Variants in CAST observed in about 807,000 individuals in gnomAD.
The protein encoded by CAST is calpastatin, also known as MIR583 host.
A neutral mutation model predicts 119.6 loss-of-function variants in CAST; 76 were observed. The observed-to-expected ratio is 0.64, with a 90% CI of 0.53 to 0.77. The LOEUF (loss-of-function observed/expected upper bound fraction) is 0.77, where lower values mean the gene tolerates loss of function less well. CAST is among the 30% of genes least tolerant of loss of function. The probability of loss-of-function intolerance (pLI) is 0.00; values close to 1 mark genes in which losing one functional copy is unlikely to be tolerated. For synonymous variants in CAST, 319 were observed against 331.6 expected (o/e 0.96, Z 0.41); for missense variants, 953 against 946.5 (o/e 1.01, Z -0.09).
intron 1 of CAST, among the ~76,000 whole-genome samples, chr5:96,633,286 A>T (rs1363739460): frequency 6.6e-6 from 1 of 152,166 alleles, no homozygotes; most frequent in Non-Finnish European, 1.5e-5. Context: ...CATTCTATAG[A>T]TCAATTTAAA....
chr5:96,734,385 G>A (rs930934309), intron 9 of CAST, among the ~76,000 whole-genome samples: 5 of 152,188 alleles, frequency 3.3e-5, no homozygotes, highest in African/African-American at 1.2e-4. Context: ...TAGGTGGATG[G>A]GATAGAGATA....
chr5:96,411,867 T>C, the CAST span, among the ~76,000 whole-genome samples: 40 of 152,226 alleles, frequency 2.6e-4, 1 homozygote, highest in African/African-American at 8.7e-4. Flanking sequence ...TGGAGTGCAA[T>C]GCTGCAATCT....
chr5:96,657,867 C>T (rs975822998), upstream of CAST, among the ~76,000 whole-genome samples: 4 of 152,092 alleles, frequency 2.6e-5, no homozygotes, highest in African/African-American at 7.2e-5. Flanking sequence ...GAGGCCGAGG[C>T]GAGTGGATCA....
chr5:96,333,606 T>C, the CAST span, among the ~76,000 whole-genome samples: 2 of 152,176 alleles, frequency 1.3e-5, no homozygotes, highest in African/African-American at 4.8e-5. Flanking sequence ...TGAAGCTCCT[T>C]CTTCCTGCTG....
At chr5:95,969,148 C>T in the CAST span, among the ~76,000 whole-genome samples, 1 of 152,002 alleles carries the variant, frequency 6.6e-6, no homozygotes, top group Non-Finnish European at 1.5e-5. Context: ...ATGTGGTGCT[C>T]GAAGGTGATT....
At chr5:96,107,527 T>C in the CAST span, among the ~76,000 whole-genome samples, 1 of 152,270 alleles carries the variant, frequency 6.6e-6, no homozygotes, top group South Asian at 2.1e-4. Flanking sequence ...AAAATTCTTT[T>C]CTTTAAGAAT....
chr5:96,666,193 A>G (rs1035194308), intron 1 of CAST, among the ~76,000 whole-genome samples: 8 of 152,098 alleles, frequency 5.3e-5, no homozygotes, highest in African/African-American at 1.2e-4. Context: ...GTTGCAATGT[A>G]TATTTCCACA....
chr5:96,484,756 T>C, the CAST span, among the ~76,000 whole-genome samples: 1 of 73,656 alleles, frequency 1.4e-5, no homozygotes, highest in South Asian at 2.9e-4. Flanking sequence ...ATGGTAGAGC[T>C]GGGGGGCCAT....
chr5:96,636,142 G>A (rs1223006808), intron 1 of CAST, among the ~76,000 whole-genome samples: 1 of 152,158 alleles, frequency 6.6e-6, no homozygotes. Flanking sequence ...TCCCCACTGA[G>A]TTTGCTCCAT....
the CAST span, among the ~76,000 whole-genome samples, chr5:96,269,665 T>C: frequency 6.6e-6 from 1 of 152,028 alleles, no homozygotes; most frequent in African/African-American, 2.4e-5. Flanking sequence ...CCTAGAAAAG[T>C]TTCTGGGCAT....
the CAST span, among the ~76,000 whole-genome samples, chr5:96,273,864 C>G: frequency 6.6e-6 from 1 of 152,092 alleles, no homozygotes; most frequent in East Asian, 1.9e-4. Flanking sequence ...GAAGTACTGA[C>G]AGGGCACCGA....
the CAST span, among the ~76,000 whole-genome samples, chr5:96,315,271 A>T: frequency 5.3e-5 from 8 of 152,142 alleles, no homozygotes; most frequent in South Asian, 6.2e-4. Context: ...ATAATAAAAA[A>T]GTTTGTTGTT....
chr5:96,315,223 A>G, the CAST span, among the ~76,000 whole-genome samples: 1 of 152,268 alleles, frequency 6.6e-6, no homozygotes, highest in Non-Finnish European at 1.5e-5. Context: ...ATTGTTTAGT[A>G]TAAGTATGTC....
At chr5:96,308,421 ATTG>A in the CAST span, among the ~76,000 whole-genome samples, 8 of 151,760 alleles carry the variant, frequency 5.3e-5, no homozygotes, top group Admixed American at 1.3e-4. Flanking sequence ...GCTCTGGGGA[ATTG>A]TTATTACCCA....
chr5:96,603,016 G>A (rs990798271), intron 1 of CAST, among the ~76,000 whole-genome samples: 1 of 152,196 alleles, frequency 6.6e-6, no homozygotes, highest in Non-Finnish European at 1.5e-5. Flanking sequence ...TGGCAGATAG[G>A]ATGGTGTTTG....
chr5:96,180,887 G>T, the CAST span, among the ~76,000 whole-genome samples: 31 of 152,276 alleles, frequency 2.0e-4, no homozygotes, highest in African/African-American at 7.0e-4. Flanking sequence ...GGCTCAGCAA[G>T]GTGTAATTCA....
At chr5:96,105,475 T>A in the CAST span, among the ~76,000 whole-genome samples, 13 of 152,230 alleles carry the variant, frequency 8.5e-5, no homozygotes, top group African/African-American at 2.7e-4. Flanking sequence ...AGGCCTTTTC[T>A]GCATCTATTG....
At chr5:96,455,576 C>T in the CAST span, among the ~76,000 whole-genome samples, 1 of 152,206 alleles carries the variant, frequency 6.6e-6, no homozygotes, top group Non-Finnish European at 1.5e-5. Flanking sequence ...TCCTGTTTAA[C>T]CTTTCTCCTT....
the CAST span, among the ~76,000 whole-genome samples, chr5:96,507,072 AG>A: frequency 6.6e-6 from 1 of 152,128 alleles, no homozygotes; most frequent in Non-Finnish European, 1.5e-5. Context: ...GGGTGGGGTG[AG>A]GGTGGAGGGG....
Sources: gnomAD v4.1 joint callset for allele counts (sites outside exome capture counted in the v4.1 genomes callset) on GRCh38, gnomAD v4.1.1 for gene constraint, MANE v1.5 for transcripts, NCBI Gene and HGNC (gene_info 2026-07-23, HGNC 2026-07-21) for gene names.